RIMS1: variants seen among roughly 807,000 people sequenced by gnomAD.
RIMS1 encodes the protein regulating synaptic membrane exocytosis 1.
In RIMS1, 83 loss-of-function variants were observed where a neutral mutation model predicts 214.1. That is an observed-to-expected ratio of 0.39 (90% confidence interval 0.32 to 0.47). RIMS1 has a LOEUF of 0.47. Among genes scored for constraint, RIMS1 ranks in the 20% least tolerant of loss-of-function variants. The probability of loss-of-function intolerance (pLI) is 0.99; values close to 1 mark genes in which losing one functional copy is unlikely to be tolerated. For missense variants in RIMS1, 2,050 were observed against 2,161.8 expected (o/e 0.95, Z 1.03); for synonymous variants, 793 against 786.8 (o/e 1.01, Z -0.13).
intron 4 of RIMS1, among the ~76,000 whole-genome samples, chr6:72,113,604 C>A (rs1158593463): frequency 6.6e-6 from 1 of 151,976 alleles, no homozygotes; most frequent in Non-Finnish European, 1.5e-5. Flanking sequence ...CTAGAATAAG[C>A]AGCAAAAAAG....
chr6:72,003,765 A>C (rs887313562), intron 2 of RIMS1, among the ~76,000 whole-genome samples: 6 of 152,076 alleles, frequency 3.9e-5, no homozygotes, highest in Admixed American at 2.0e-4. Flanking sequence ...TGTACTTTTA[A>C]TTAACTGTTC....
intron 6 of RIMS1, among the ~76,000 whole-genome samples, chr6:72,214,585 CAAGAG>C (rs1400730795): frequency 9.2e-5 from 14 of 151,992 alleles, no homozygotes; most frequent in African/African-American, 2.7e-4. Flanking sequence ...GGATAATAAA[CAAGAG>C]AAAAGAAATA....
chr6:72,339,653 A>G (rs1355080926), intron 29 of RIMS1, among the ~76,000 whole-genome samples: 2 of 151,970 alleles, frequency 1.3e-5, no homozygotes, highest in Middle Eastern at 3.2e-3. Context: ...CATGGTGTAT[A>G]TGTGCCACAT....
chr6:72,030,539 T>C (rs556823419), intron 2 of RIMS1, among the ~76,000 whole-genome samples: 1 of 152,272 alleles, frequency 6.6e-6, no homozygotes, highest in African/African-American at 2.4e-5. Context: ...ATTTGCCATG[T>C]CATAGGCCAT....
intron 2 of RIMS1, among the ~76,000 whole-genome samples, chr6:72,053,206 C>T (rs1296546089): frequency 2.6e-5 from 4 of 152,184 alleles, no homozygotes; most frequent in African/African-American, 9.6e-5. Context: ...ACTCTTTGAA[C>T]TGTGTTTCTT....
chr6:72,142,357 G>T (rs2042180293), intron 4 of RIMS1, among the ~76,000 whole-genome samples: 1 of 151,934 alleles, frequency 6.6e-6, no homozygotes, highest in Admixed American at 6.6e-5. Flanking sequence ...AAAATATGTG[G>T]TATTTTGTTA....
At chr6:72,218,185 A>G (rs1396402623) in intron 6 of RIMS1, among the ~76,000 whole-genome samples, 1 of 149,330 alleles carries the variant, frequency 6.7e-6, no homozygotes, top group East Asian at 2.0e-4. Context: ...TCCCAAGGGC[A>G]CCTACTATTA....
intron 2 of RIMS1, among the ~76,000 whole-genome samples, chr6:71,980,917 A>G (rs1447119889): frequency 6.6e-6 from 1 of 152,128 alleles, no homozygotes; most frequent in East Asian, 1.9e-4. Flanking sequence ...GAGAGTTAAT[A>G]AAAAATAAGG....
chr6:72,260,861 G>A, intron 19 of RIMS1, 94 bp downstream of exon 19: 1 of 1,550,074 alleles, frequency 6.5e-7, no homozygotes. Flanking sequence ...ATTATTACAA[G>A]CAAGTCAAAT....
intron 26 of RIMS1, among the ~76,000 whole-genome samples, chr6:72,306,735 C>T (rs530207061): frequency 7.5e-4 from 114 of 152,046 alleles, no homozygotes; most frequent in Middle Eastern, 3.4e-3. Flanking sequence ...TGAGAAGCCA[C>T]GGACAGAAAT....
At chr6:72,186,340 C>T (rs1053471159) in intron 6 of RIMS1, among the ~76,000 whole-genome samples, 4 of 152,202 alleles carry the variant, frequency 2.6e-5, no homozygotes, top group African/African-American at 9.6e-5. Flanking sequence ...TGAATTTTCA[C>T]TATATAATGC....
chr6:72,263,701 C>A, intron 19 of RIMS1: 1 of 985,168 alleles, frequency 1.0e-6, no homozygotes, highest in Non-Finnish European at 1.2e-6. Context: ...AAAATTTGTC[C>A]TCAACTTGTA....
At chr6:72,376,306 G>A (rs946061576) in intron 29 of RIMS1, among the ~76,000 whole-genome samples, 1 of 152,104 alleles carries the variant, frequency 6.6e-6, no homozygotes. Flanking sequence ...TCACTTCCAT[G>A]AGGAATATTT....
At chr6:71,932,252 A>G (rs1178112963) in intron 1 of RIMS1, among the ~76,000 whole-genome samples, 1 of 152,158 alleles carries the variant, frequency 6.6e-6, no homozygotes. Context: ...TAGACTGGCT[A>G]AAGAAAATGT....
rs776390270 is a variant in RIMS1, at chr6:72,390,685, C to T, written c.4454C>T (p.Pro1485Leu). 10 of 1,613,638 alleles carry T rather than the reference C, an allele frequency of 6.2e-6. No homozygotes were observed. Among genetic ancestry groups the T allele is most frequent in the African/African-American group, 2.7e-5 (2 of 74,866 alleles). Residue 1485 changes from proline (P) to leucine (L), a missense_variant, in exon 30 of 34, where the codon CCG becomes CTG. By Grantham distance (98) the Pro-to-Leu change is moderately conservative. This residue lies in a region of RIMS1 where 121 missense variants were observed against 187.3 expected (regional missense o/e 0.65). Coordinates refer to ENST00000521978, the MANE Select transcript of RIMS1 (RefSeq NM_014989.7). Reference sequence around the variant, plus strand: ...GAAATGAGAAAGATGGTAAGGCAGCCGAGCCGAGAGTCTACTGATGGCAGC... The same window carrying T: ...GAAATGAGAAAGATGGTAAGGCAGCTGAGCCGAGAGTCTACTGATGGCAGC... ...AAEMRKMVRQ[P>L]SRESTDGSIN...
intron 1 of RIMS1, among the ~76,000 whole-genome samples, chr6:71,901,915 CA>C (rs1250194149): frequency 1.3e-5 from 2 of 151,890 alleles, no homozygotes; most frequent in African/African-American, 4.8e-5. Flanking sequence ...ATGGGGTCAG[CA>C]CTAGATTGGA....
chr6:72,345,880 A>G (rs2097250492), intron 29 of RIMS1, among the ~76,000 whole-genome samples: 1 of 151,750 alleles, frequency 6.6e-6, no homozygotes, highest in African/African-American at 2.4e-5. Context: ...GGAAAGGACC[A>G]CATTTGCCAA....
intron 27 of RIMS1, among the ~76,000 whole-genome samples, chr6:72,310,966 A>C (rs1440936725): frequency 6.6e-6 from 1 of 152,132 alleles, no homozygotes; most frequent in Non-Finnish European, 1.5e-5. Context: ...AAAGGTCTGT[A>C]TACAAAAAGG....
At chr6:72,366,999 C>A in intron 29 of RIMS1, 1 of 270,594 alleles carries the variant, frequency 3.7e-6, no homozygotes, top group Non-Finnish European at 5.7e-6. Flanking sequence ...TAACAGTTTT[C>A]AAAGGTAGTG....
Sources: gnomAD v4.1 joint callset for allele counts (sites outside exome capture counted in the v4.1 genomes callset) on GRCh38, gnomAD v4.1.1 for gene constraint, gnomAD v4.1.1 regional missense constraint, MANE v1.5 for transcripts, NCBI Gene and HGNC (gene_info 2026-07-23, HGNC 2026-07-21) for gene names.